STK36: variants seen among roughly 807,000 people sequenced by gnomAD.
STK36 encodes the protein serine/threonine kinase 36, also known as serine/threonine-protein kinase 36.
Under a neutral mutation model 142.2 loss-of-function variants are expected in STK36, and 116 were observed. The observed-to-expected ratio is 0.82, with a 90% CI of 0.70 to 0.95. The LOEUF (loss-of-function observed/expected upper bound fraction) is 0.95. Ranked by LOEUF, STK36 falls within the 40% of genes least tolerant of loss-of-function variation. The pLI, the probability that STK36 is intolerant of heterozygous loss-of-function variation, is 0.00. For missense variants in STK36, 1,422 were observed against 1,617.2 expected (o/e 0.88, Z 2.07); for synonymous variants, 619 against 641.7 (o/e 0.96, Z 0.53).
intron 6 of STK36, among the ~76,000 whole-genome samples, chr2:218,677,748 T>C (rs1940321022): frequency 6.6e-6 from 1 of 152,198 alleles, no homozygotes; most frequent in African/African-American, 2.4e-5. Flanking sequence ...ACTAAGTCAG[T>C]AGTCTGGAGG....
chr2:218,694,066 T>TA lies in STK36; in HGVS notation c.2336+84dup. Reference sequence around the variant, plus strand: ...ACAAAGAGTATGGGGAATGGTACCCTACAGCATATCCTTAGGAGGAATTGG... The same window carrying TA: ...ACAAAGAGTATGGGGAATGGTACCCTAACAGCATATCCTTAGGAGGAATTGG... On this transcript the variant is annotated intron_variant, in intron 19 of 26. Coordinates refer to ENST00000295709, the MANE Select transcript of STK36 (RefSeq NM_015690.5). This position sits in a 1 kb window ranked among gnomAD's most constrained non-coding sequence, Gnocchi z 4.4. 7.2e-7 allele frequency: 1 copy of TA among 1,389,626 alleles called. No homozygotes were observed. The highest frequency in any genetic ancestry group is 1.0e-6 in the Non-Finnish European group (1 of 977,740). The allele number at this position is 1,389,626 out of a possible 1,614,324, so 86.1% of individuals were successfully genotyped here.
In STK36 at chr2:218,697,214, G is replaced by A; in HGVS notation, c.2761+1G>A. 1 of 1,610,840 alleles carries A rather than the reference G, an allele frequency of 6.2e-7. No individual in the cohort carries two copies. The highest frequency in any genetic ancestry group is 1.7e-4 in the Middle Eastern group (1 of 6,026). On this transcript the variant is annotated splice_donor_variant, in intron 23 of 26. Transcript: ENST00000295709. LOFTEE classifies it high-confidence loss of function. ...GACTGGACACTGATTTCTCCCCAGG[G>A]TATCTTTCTATCAGTATCCTTTTTG...
At position 218,699,276 on chromosome 2, in the gene STK36, C is replaced by CCCCCAG; in HGVS notation, c.3735_3740dup (p.Gln1246_Pro1247dup). ...GGCTCCTAGAAATGGCATGTGGAGA[C>CCCCCAG]CCCCAGCCAAATGTGAAGGAGGCTG... On this transcript the variant is annotated inframe_insertion, in exon 26 of 27. Transcript: ENST00000295709. 4 of 1,614,018 alleles carry CCCCCAG rather than the reference C, an allele frequency of 2.5e-6. No homozygotes were observed. Among genetic ancestry groups the CCCCCAG allele is most frequent in the Non-Finnish European group, 3.4e-6 (4 of 1,180,014 alleles).
intron 21 of STK36, among the ~76,000 whole-genome samples, 175 bp from the exon 22 acceptor site, chr2:218,696,352 G>T (rs553844338): frequency 2.0e-5 from 3 of 152,234 alleles, no homozygotes; most frequent in Admixed American, 6.5e-5. Context: ...ATCAGTGACT[G>T]TTCTCTCTTC....
intron 26 of STK36, 39 bp from the exon 27 acceptor site, chr2:218,701,827 C>T (rs767088455): frequency 1.2e-6 from 2 of 1,606,508 alleles, no homozygotes; most frequent in Admixed American, 1.7e-5. Flanking sequence ...CATTTCTGAG[C>T]CTCATGTTCT....
At chr2:218,696,463 C>A in intron 21 of STK36, 64 bp from the exon 22 acceptor site, 1 of 1,427,844 alleles carries the variant, frequency 7.0e-7, no homozygotes, top group South Asian at 1.1e-5. Flanking sequence ...CACTGACCTG[C>A]CTTGGTTTAA....
chr2:218,686,192 G>A (rs1296936050), intron 11 of STK36, among the ~76,000 whole-genome samples: 1 of 152,094 alleles, frequency 6.6e-6, no homozygotes, highest in Non-Finnish European at 1.5e-5. Flanking sequence ...GCCCGCCTCA[G>A]CCTCCCAAAG....
In STK36 at chr2:218,680,654, A is replaced by G. The variant is rs778606671; in HGVS notation, c.1188A>G (p.Pro396=). 3 of 1,613,732 alleles carry G rather than the reference A, an allele frequency of 1.9e-6. No individual in the cohort carries two copies. The East Asian group carries it at 6.7e-5, about 36-fold the overall frequency. Residue 396 remains proline, a synonymous_variant, in exon 10 of 27, where the codon CCA becomes CCG. Transcript: ENST00000295709. ...AACGAGCATTCCCAGAGGAGAGGCC[A>G]GAGGTGCTGGGCCAGCGGAGCACTG... is the stretch of plus-strand genomic sequence containing the variant. ...DCERAFPEER[P]EVLGQRSTDV...
At position 218,702,324 on chromosome 2, in the gene STK36, C is replaced by G. The variant is rs1941471848; in HGVS notation, c.*315C>G. 4.7e-6 allele frequency: 1 copy of G among 214,930 alleles called. No individual in the cohort carries two copies. Among genetic ancestry groups the G allele is most frequent in the Non-Finnish European group, 9.1e-6 (1 of 109,414 alleles). The allele number at this position is 214,930 out of a possible 1,614,324, so 13.3% of individuals were successfully genotyped here. ...TGCCTCACGGACCTTAGGGAAAAAC[C>G]TCAACCTGAAAGATCTCTTCCTTTC... is the stretch of plus-strand genomic sequence containing the variant. On this transcript the variant is annotated 3_prime_UTR_variant, in exon 27 of 27. Transcript: ENST00000295709.
At chr2:218,692,812 C>T in intron 16 of STK36, 102 bp downstream of exon 16, 1 of 1,432,136 alleles carries the variant, frequency 7.0e-7, no homozygotes. Context: ...TTTTAAGCCC[C>T]TCCTTTAGTA....
At chr2:218,697,701 A>G in intron 24 of STK36, 91 bp downstream of exon 24, 1 of 1,592,908 alleles carries the variant, frequency 6.3e-7, no homozygotes, top group East Asian at 2.2e-5. Context: ...ATTGAGCTAT[A>G]AAGCAAGAAA....
intron 21 of STK36, among the ~76,000 whole-genome samples, chr2:218,695,471 G>T (rs1284785431): frequency 7.0e-6 from 1 of 142,032 alleles, no homozygotes; most frequent in Non-Finnish European, 1.5e-5. Flanking sequence ...CATGTGATCC[G>T]CCCACCTCGG....
Position 218,690,372 on chromosome 2 carries a change from GC to G in STK36, c.1659-75del, listed in dbSNP as rs1940950268. On this transcript the variant is annotated intron_variant, in intron 13 of 26. Coordinates refer to ENST00000295709, the MANE Select transcript of STK36 (RefSeq NM_015690.5). ...TCCCTTTGCAGAGATTCTCCTACCT[GC>G]CCAGGACTGACCCATTCACCACATC... 3.4e-6 allele frequency: 4 copies of G among 1,166,632 alleles called. No individual in the cohort carries two copies. The South Asian group carries it at 4.9e-5, about 14-fold the overall frequency. The allele number at this position is 1,166,632 out of a possible 1,614,324, so 72.3% of individuals were successfully genotyped here. A position where few individuals can be genotyped will look rare whatever the true frequency, so the allele number is the denominator to read the frequency against.
At chr2:218,673,855 A>C in intron 3 of STK36, 24 bp from the exon 4 acceptor site, 1 of 1,614,204 alleles carries the variant, frequency 6.2e-7, no homozygotes, top group Non-Finnish European at 8.5e-7. Flanking sequence ...TGGAGCCATC[A>C]GTGCCACTGC....
chr2:218,678,513 T>C (rs780566860), intron 6 of STK36, among the ~76,000 whole-genome samples: 7 of 152,358 alleles, frequency 4.6e-5, no homozygotes, highest in East Asian at 1.9e-4. Flanking sequence ...TCCATAGTTA[T>C]ACAGCTCACT....
intron 9 of STK36, among the ~76,000 whole-genome samples, chr2:218,680,321 A>G (rs1018156945): frequency 1.3e-5 from 2 of 152,234 alleles, no homozygotes; most frequent in Non-Finnish European, 2.9e-5. Flanking sequence ...AAGGGAAAGG[A>G]TCATCTCCAT....
intron 11 of STK36, among the ~76,000 whole-genome samples, chr2:218,685,828 C>T (rs1447481622): frequency 6.6e-6 from 1 of 152,100 alleles, no homozygotes; most frequent in East Asian, 1.9e-4. Context: ...AAGATTTACA[C>T]TTTTTTGATG....
At chr2:218,680,131 TTAACTC>T (rs1940448158) in intron 9 of STK36, 51 bp downstream of exon 9, 1 of 1,569,302 alleles carries the variant, frequency 6.4e-7, no homozygotes, top group East Asian at 2.2e-5. Context: ...TTGCACATCT[TTAACTC>T]TAGCCAAAGC....
At chr2:218,697,788 G>C in intron 24 of STK36, 66 bp from the exon 25 acceptor site, 1 of 1,609,174 alleles carries the variant, frequency 6.2e-7, no homozygotes, top group Non-Finnish European at 8.5e-7. Context: ...GGAATTGGAG[G>C]AGGGAGGGAG....
Sources: gnomAD v4.1 joint callset for allele counts (sites outside exome capture counted in the v4.1 genomes callset) on GRCh38, gnomAD v4.1.1 for gene constraint, Gnocchi (gnomAD v3.1) non-coding constraint, MANE v1.5 for transcripts, NCBI Gene and HGNC (gene_info 2026-07-23, HGNC 2026-07-21) for gene names.